COG5: variants seen among roughly 807,000 people sequenced by gnomAD.
The protein encoded by COG5 is conserved oligomeric Golgi complex subunit 5.
In COG5, 86 loss-of-function variants were observed where a neutral mutation model predicts 110.4. The observed-to-expected ratio is 0.78, with a 90% CI of 0.65 to 0.93. The LOEUF is 0.93. COG5 is among the 40% of genes least tolerant of loss of function. The pLI is 0.00. For synonymous variants in COG5, 360 were observed against 334.6 expected (o/e 1.08, Z -0.83); for missense variants, 1,077 against 987.0 (o/e 1.09, Z -1.22).
intron 1 of COG5, among the ~76,000 whole-genome samples, chr7:107,558,673 T>A (rs2129179972): frequency 6.6e-6 from 1 of 151,170 alleles, no homozygotes; most frequent in South Asian, 2.1e-4. Context: ...GATCACGAGG[T>A]CAGGAGATCA....
intron 10 of COG5, among the ~76,000 whole-genome samples, chr7:107,332,299 A>C (rs1374123500): frequency 6.6e-6 from 1 of 152,344 alleles, no homozygotes; most frequent in East Asian, 1.9e-4. Flanking sequence ...GCCACAGGGA[A>C]TAAATCAATT....
At chr7:107,310,540 G>A (rs1198636208) in intron 11 of COG5, among the ~76,000 whole-genome samples, 4 of 152,142 alleles carry the variant, frequency 2.6e-5, no homozygotes, top group South Asian at 2.1e-4. Flanking sequence ...CAGATGCTAC[G>A]GACACCCTTG....
In COG5 at chr7:107,248,474, G is replaced by C. The variant is rs747789660; in HGVS notation, c.1775C>G (p.Ala592Gly). The change falls in exon 17 of 22, where the codon GCT becomes GGT. Residue 592 changes from alanine (A) to glycine (G), a missense_variant. Ala to Gly is a moderately conservative substitution (Grantham distance 60, BLOSUM62 0). Transcript: ENST00000297135. ...LKAIHALMEN[A>G]VQPLLTSVGD... ...CACAGAAGTGAGTAAGGGTTGCACAGCATTTTCCATAAGAGCATGAATAGC... is the reference window on the plus strand; with the variant it reads ...CACAGAAGTGAGTAAGGGTTGCACACCATTTTCCATAAGAGCATGAATAGC... 1.0e-5 allele frequency: 16 copies of C among 1,604,348 alleles called. No individual in the cohort carries two copies. The highest frequency in any genetic ancestry group is 7.7e-6 in the Non-Finnish European group (9 of 1,174,036).
intron 6 of COG5, among the ~76,000 whole-genome samples, chr7:107,507,930 C>A (rs954566726): frequency 2.0e-5 from 3 of 152,100 alleles, no homozygotes; most frequent in Non-Finnish European, 2.9e-5. Flanking sequence ...GATGGCTGAA[C>A]AGGAACAGCT....
chr7:107,459,849 G>C (rs921728634), intron 6 of COG5, among the ~76,000 whole-genome samples: 3 of 151,408 alleles, frequency 2.0e-5, no homozygotes, highest in Admixed American at 2.0e-4. Context: ...GGTAAGGCTA[G>C]AGAAGATTGT....
At chr7:107,346,954 A>G (rs1811666970) in intron 10 of COG5, among the ~76,000 whole-genome samples, 1 of 152,180 alleles carries the variant, frequency 6.6e-6, no homozygotes, top group Non-Finnish European at 1.5e-5. Flanking sequence ...ATATTCAGCA[A>G]GTTTCTAACT....
At chr7:107,401,809 T>A (rs1791452366) in intron 7 of COG5, among the ~76,000 whole-genome samples, 2 of 152,172 alleles carry the variant, frequency 1.3e-5, no homozygotes, top group African/African-American at 2.4e-5. Context: ...AGGCAAATGG[T>A]GTTTGTTGGG....
chr7:107,445,446 T>C (rs922837862), intron 6 of COG5, among the ~76,000 whole-genome samples: 1 of 152,206 alleles, frequency 6.6e-6, no homozygotes, highest in African/African-American at 2.4e-5. Context: ...TTTCTATACT[T>C]ATGATGAGCA....
chr7:107,356,178 C>T (rs1258644752), intron 10 of COG5, among the ~76,000 whole-genome samples: 1 of 151,876 alleles, frequency 6.6e-6, no homozygotes, highest in African/African-American at 2.4e-5. Flanking sequence ...AGAAATAAAA[C>T]AAGCTGGTAA....
chr7:107,457,482 C>T (rs539536073), intron 6 of COG5, among the ~76,000 whole-genome samples: 2 of 152,090 alleles, frequency 1.3e-5, no homozygotes, highest in Admixed American at 1.3e-4. Context: ...GGCTGGAGTG[C>T]AAGTGGCGCA....
At chr7:107,378,863 A>G (rs879776428) in intron 7 of COG5, among the ~76,000 whole-genome samples, 14 of 152,256 alleles carry the variant, frequency 9.2e-5, no homozygotes, top group Non-Finnish European at 1.6e-4. Context: ...GATATTATCC[A>G]GGAGAACTTC....
intron 6 of COG5, among the ~76,000 whole-genome samples, chr7:107,522,858 G>C (rs1426903487): frequency 2.6e-5 from 4 of 152,046 alleles, no homozygotes; most frequent in Admixed American, 2.6e-4. Context: ...ATATATATGT[G>C]GGTCTATTTC....
chr7:107,322,270 G>A (rs552893891), intron 11 of COG5, among the ~76,000 whole-genome samples: 4 of 152,186 alleles, frequency 2.6e-5, no homozygotes, highest in Admixed American at 2.6e-4. Context: ...TTACAAAAGA[G>A]GCTCAGATAG....
intron 6 of COG5, among the ~76,000 whole-genome samples, chr7:107,428,311 G>T (rs934989841): frequency 1.3e-5 from 2 of 152,184 alleles, no homozygotes; most frequent in African/African-American, 4.8e-5. Context: ...AGTTAAACTG[G>T]ATTAGGGTGG....
At chr7:107,508,675 G>C (rs1179383898) in intron 6 of COG5, among the ~76,000 whole-genome samples, 1 of 152,154 alleles carries the variant, frequency 6.6e-6, no homozygotes, top group Non-Finnish European at 1.5e-5. Context: ...ACTCCTCTGA[G>C]ACAAAACTTC....
intron 10 of COG5, among the ~76,000 whole-genome samples, chr7:107,348,473 G>A (rs963804293): frequency 6.6e-6 from 1 of 152,098 alleles, no homozygotes; most frequent in Non-Finnish European, 1.5e-5. Context: ...TTCTTTAAAG[G>A]CTACAGGACT....
chr7:107,391,610 T>G (rs561465731), intron 7 of COG5, among the ~76,000 whole-genome samples: 2 of 152,328 alleles, frequency 1.3e-5, no homozygotes, highest in Non-Finnish European at 2.9e-5. Context: ...GTTGTATAGT[T>G]TCAAGTCTTA....
rs199755607 is a variant in COG5, at chr7:107,513,102, G to C, written c.538+14135C>G. Among the ~76,000 whole-genome samples, 14 of 151,464 alleles carry C rather than the reference G, an allele frequency of 9.2e-5. No individual in the cohort carries two copies. In the South Asian group the frequency reaches 2.7e-3, roughly 29 times the overall value. On this transcript the variant is annotated intron_variant, in intron 6 of 21. Transcript: ENST00000297135. ...CAGCAAAAGAAACTACCATCAGAGTGAACAGGCAACCTACAAAATGGGAGA... is the reference window on the plus strand; with the variant it reads ...CAGCAAAAGAAACTACCATCAGAGTCAACAGGCAACCTACAAAATGGGAGA...
chr7:107,476,686 TAA>T (rs1161162191), intron 6 of COG5, among the ~76,000 whole-genome samples: 2 of 151,694 alleles, frequency 1.3e-5, no homozygotes, highest in African/African-American at 2.4e-5. Context: ...AATTTAGCAA[TAA>T]GTTATTTAAA....
Sources: gnomAD v4.1 joint callset for allele counts (sites outside exome capture counted in the v4.1 genomes callset) on GRCh38, gnomAD v4.1.1 for gene constraint, MANE v1.5 for transcripts, NCBI Gene and HGNC (gene_info 2026-07-23, HGNC 2026-07-21) for gene names.